GLS: variants seen among roughly 807,000 people sequenced by gnomAD.
GLS encodes glutaminase kidney isoform, mitochondrial.
In GLS, 36 loss-of-function variants were observed where a neutral mutation model predicts 86.7. The observed-to-expected ratio is 0.42, with a 90% confidence interval of 0.32 to 0.55. The LOEUF is 0.55. Ranked by LOEUF, GLS falls within the 20% of genes least tolerant of loss-of-function variation. GLS has a pLI of 0.17. For synonymous variants in GLS, 317 were observed against 305.9 expected, an observed-to-expected ratio of 1.04 and a Z score of -0.38; for missense variants, 528 against 833.4, an observed-to-expected ratio of 0.63 and a Z score of 4.51.
chr2:190,881,405 C>T lies in GLS; in HGVS notation c.321C>T (p.Asp107=), dbSNP rs1208378788. The T allele has an allele frequency of 1.9e-6, 3 of 1,542,998 alleles. No homozygotes were observed. The highest frequency in any genetic ancestry group is 1.7e-6 in the Non-Finnish European group (2 of 1,144,156). Reference sequence around the variant, plus strand: ...CCCCGGCGGCGCCCGGCCCCAAGGACGGCCCCGGGGAGACGGACGCGTTTG... The same window carrying T: ...CCCCGGCGGCGCCCGGCCCCAAGGATGGCCCCGGGGAGACGGACGCGTTTG... The part of the protein sequence containing the change: ...PAAPAAPGPK[D]GPGETDAFGN... The change falls in exon 1 of 18, where the codon GAC becomes GAT. Residue 107 remains aspartate, a synonymous_variant. Transcript: ENST00000320717.
At chr2:190,926,494 C>T (rs1381052244) in intron 11 of GLS, among the ~76,000 whole-genome samples, 1 of 152,074 alleles carries the variant, frequency 6.6e-6, no homozygotes, top group Non-Finnish European at 1.5e-5. Context: ...TGAACTCATT[C>T]TTCTCCTATC....
chr2:190,939,330 CA>C (rs924828367), intron 14 of GLS, among the ~76,000 whole-genome samples: 1 of 151,596 alleles, frequency 6.6e-6, no homozygotes, highest in African/African-American at 2.4e-5. Flanking sequence ...TGTTGACTTA[CA>C]AAATGTTAAA....
Position 190,914,998 on chromosome 2 carries a change from A to G in GLS, c.1038+4677A>G, listed in dbSNP as rs1689479062. 6.6e-6 allele frequency among the ~76,000 whole-genome samples: 1 copy of G among 151,900 alleles called. No individual in the cohort carries two copies. The highest frequency in any genetic ancestry group is 2.1e-4 in the South Asian group (1 of 4,834). On this transcript the variant is annotated intron_variant, in intron 7 of 17. Transcript: ENST00000320717. The surrounding 1 kb of genome is among the most constrained non-coding windows in gnomAD (Gnocchi z 4.4). ...GTAAATTCTGTAACTTGACAGGCAT[A>G]TTTACAGAAAAATTTTATAATTTAC...
rs1047154129 is a variant in GLS, at chr2:190,962,465, T to C, written c.1854-365T>C. 6.6e-6 allele frequency among the ~76,000 whole-genome samples: 1 copy of C among 152,222 alleles called. No homozygotes were observed. Among genetic ancestry groups the C allele is most frequent in the African/African-American group, 2.4e-5 (1 of 41,462 alleles). On this transcript the variant is annotated intron_variant, in intron 17 of 17. Coordinates refer to ENST00000320717, the MANE Select transcript of GLS (RefSeq NM_014905.5). This position sits in a 1 kb window ranked among gnomAD's most constrained non-coding sequence, Gnocchi z 4.2. ...TATATGCCTGAATTTTCTTTGAACATTTTATTTTAAAAGAGATACTTTGGG... is the reference window on the plus strand; with the variant it reads ...TATATGCCTGAATTTTCTTTGAACACTTTATTTTAAAAGAGATACTTTGGG...
At position 190,956,777 on chromosome 2, in the gene GLS, C is replaced by T. The variant is rs1036713968; in HGVS notation, c.1853+1959C>T. On this transcript the variant is annotated intron_variant, in intron 17 of 17. Transcript: ENST00000320717. The surrounding 1 kb of genome is among the most constrained non-coding windows in gnomAD (Gnocchi z 4.2). ...ATTTGTTTGTGTCCTCTCTTTATTT[C>T]CTTCAGCAGTGGTTTGTAGTTCTCC... Among the ~76,000 whole-genome samples, 1 of 152,102 alleles carries T rather than the reference C, an allele frequency of 6.6e-6. No individual in the cohort carries two copies. The highest frequency in any genetic ancestry group is 2.4e-5 in the African/African-American group (1 of 41,416).
rs766502628 is a variant in GLS, at chr2:190,897,715, A to G, written c.605+1990A>G. ...GAAGTTACCTAGTTAGTGTTGCCAG[A>G]AATAAACTTCTCCCTTTCATGCAGC... On this transcript the variant is annotated intron_variant, in intron 3 of 17. Coordinates refer to ENST00000320717, the MANE Select transcript of GLS (RefSeq NM_014905.5). This position sits in a 1 kb window ranked among gnomAD's most constrained non-coding sequence, Gnocchi z 4.3. 7.2e-5 allele frequency among the ~76,000 whole-genome samples: 11 copies of G among 152,242 alleles called. No homozygotes were observed. Among genetic ancestry groups the G allele is most frequent in the Non-Finnish European group, 1.5e-4 (10 of 68,040 alleles).
At chr2:190,881,505 C>T (rs768864719) in intron 1 of GLS, 35 bp downstream of exon 1, 2 of 1,525,100 alleles carry the variant, frequency 1.3e-6, no homozygotes, top group South Asian at 1.2e-5. Context: ...AGGCCTCGTT[C>T]CTTTCGGGGC....
chr2:190,952,667 A>G (rs1690744962), intron 14 of GLS, among the ~76,000 whole-genome samples: 1 of 152,136 alleles, frequency 6.6e-6, no homozygotes, highest in African/African-American at 2.4e-5. Flanking sequence ...CCCCAGTTAA[A>G]CTTGTTTTCT....
intron 1 of GLS, among the ~76,000 whole-genome samples, chr2:190,892,701 A>G (rs901451048): frequency 2.0e-5 from 3 of 152,196 alleles, no homozygotes; most frequent in African/African-American, 7.2e-5. Context: ...TGTTCGCCAG[A>G]CTGTTGAAGC....
intron 1 of GLS, 91 bp downstream of exon 1, chr2:190,881,561 C>A: frequency 8.2e-7 from 1 of 1,217,166 alleles, no homozygotes; most frequent in Non-Finnish European, 1.1e-6. Flanking sequence ...GGGATAGGAG[C>A]CGAGGGTCTA....
At chr2:190,908,528 C>G (rs373187861) in intron 6 of GLS, among the ~76,000 whole-genome samples, 1 of 152,164 alleles carries the variant, frequency 6.6e-6, no homozygotes, top group Non-Finnish European at 1.5e-5. Flanking sequence ...GTATAACACG[C>G]TCTGATATTT....
chr2:190,910,002 C>T (rs1350595598), intron 6 of GLS, among the ~76,000 whole-genome samples: 3 of 152,074 alleles, frequency 2.0e-5, no homozygotes, highest in East Asian at 3.9e-4. Flanking sequence ...TGTGCCACTG[C>T]ACTTCAGCCT....
chr2:190,918,683 G>C (rs1689628221), intron 7 of GLS, among the ~76,000 whole-genome samples: 1 of 152,020 alleles, frequency 6.6e-6, no homozygotes, highest in Admixed American at 6.6e-5. Flanking sequence ...CTCAACTTTT[G>C]GTCTGTTTTG....
At chr2:190,882,413 C>G (rs542923685) in intron 1 of GLS, among the ~76,000 whole-genome samples, 1 of 152,286 alleles carries the variant, frequency 6.6e-6, no homozygotes, top group South Asian at 2.1e-4. Context: ...TTGTGTAATA[C>G]AAATGGACCA....
rs777279845 is a variant in GLS, at chr2:190,895,254, T to A, written c.483+6T>A. On this transcript the variant is annotated splice_donor_region_variant and intron_variant, in intron 2 of 17. Transcript: ENST00000320717. The surrounding 1 kb of genome is among the most constrained non-coding windows in gnomAD (Gnocchi z 4.2). The stretch of plus-strand genomic sequence containing the variant: ...CTGTTCATAAATTTATTACAGTAAG[T>A]TTTTATATTTTTCTATCTTAACTTA... The A allele has an allele frequency of 2.8e-6, 3 of 1,080,030 alleles. No homozygotes were observed. In the Admixed American group the frequency reaches 5.2e-5, roughly 19 times the overall value. 66.9% of individuals were successfully genotyped at this position (1,080,030 alleles called of 1,614,324 possible). A position where few individuals can be genotyped will look rare whatever the true frequency, so the allele number is the denominator to read the frequency against.
intron 1 of GLS, among the ~76,000 whole-genome samples, chr2:190,886,291 G>A (rs561601044): frequency 1.3e-5 from 2 of 152,254 alleles, no homozygotes; most frequent in South Asian, 4.2e-4. Flanking sequence ...TCCATGATCT[G>A]TAATTAACAA....
intron 14 of GLS, among the ~76,000 whole-genome samples, chr2:190,937,916 G>A (rs1314617646): frequency 1.6e-5 from 2 of 126,756 alleles, no homozygotes; most frequent in African/African-American, 5.9e-5. Flanking sequence ...ATCATGTATT[G>A]CTTTAAAACA....
In GLS at chr2:190,931,557, C is replaced by T. The variant is rs776085220; in HGVS notation, c.1570C>T (p.Leu524=). 1 of 1,529,024 alleles carries T rather than the reference C, an allele frequency of 6.5e-7. No homozygotes were observed. Among genetic ancestry groups the T allele is most frequent in the Non-Finnish European group, 9.0e-7 (1 of 1,106,608 alleles). 94.7% of individuals were successfully genotyped at this position (1,529,024 alleles called of 1,614,324 possible). ...GIHFCHDLVS[L]CNFHNYDNLR... Reference sequence around the variant, plus strand: ...TAACTGTTTACAGGATCTTGTTTCTCTGTGTAATTTCCATAACTATGATAA... The same window carrying T: ...TAACTGTTTACAGGATCTTGTTTCTTTGTGTAATTTCCATAACTATGATAA... The change falls in exon 14 of 18, where the codon CTG becomes TTG. Residue 524 remains leucine, a synonymous_variant. Coordinates refer to ENST00000320717, the MANE Select transcript of GLS (RefSeq NM_014905.5).
rs1165283645 is a variant in GLS at position 190,943,818 on chromosome 2, A to G, written c.1651-9747A>G. ...AAGCACACATGTTGAACGTTTCACA[A>G]TAGAAATGTGAAATAAACATTGAAG... On this transcript the variant is annotated intron_variant, in intron 14 of 17. Transcript: ENST00000320717. This position sits in a 1 kb window ranked among gnomAD's most constrained non-coding sequence, Gnocchi z 4.5. 2.6e-5 allele frequency among the ~76,000 whole-genome samples: 4 copies of G among 152,222 alleles called. No individual in the cohort carries two copies. The South Asian group carries it at 8.3e-4, about 32-fold the overall frequency.
Sources: gnomAD v4.1 joint callset for allele counts (sites outside exome capture counted in the v4.1 genomes callset) on GRCh38, gnomAD v4.1.1 for gene constraint, Gnocchi (gnomAD v3.1) non-coding constraint, MANE v1.5 for transcripts, NCBI Gene and HGNC (gene_info 2026-07-23, HGNC 2026-07-21) for gene names.